Variants in NEBL observed in about 807,000 individuals in gnomAD.
NEBL encodes the protein nebulette, also known as LIM and SH3 protein 2.
A neutral mutation model predicts 140.2 loss-of-function variants in NEBL; 122 were observed. The observed-to-expected ratio is 0.87, with a 90% CI of 0.75 to 1.01. The LOEUF is 1.01. Ranked by LOEUF, NEBL falls within the 50% of genes least tolerant of loss-of-function variation. NEBL has a pLI of 0.00. For synonymous variants in NEBL, 436 were observed against 398.9 expected, an observed-to-expected ratio of 1.09 and a Z score of -1.11; for missense variants, 1,365 against 1,231.3, an observed-to-expected ratio of 1.11 and a Z score of -1.62.
At chr10:21,122,694 G>A (rs1012028355) in intron 2 of NEBL, among the ~76,000 whole-genome samples, 4 of 152,136 alleles carry the variant, frequency 2.6e-5, no homozygotes. Context: ...GTTTAGGATG[G>A]TGCAAAAATC....
At chr10:20,787,664 A>G (rs1180486585) in intron 26 of NEBL, among the ~76,000 whole-genome samples, 1 of 152,246 alleles carries the variant, frequency 6.6e-6, no homozygotes, top group African/African-American at 2.4e-5. Context: ...TCCAAAAGAA[A>G]AATAAGAATT....
upstream of NEBL, chr10:21,174,934 A>T (rs1564537026): frequency 6.6e-6 from 1 of 152,184 alleles, no homozygotes; most frequent in Non-Finnish European, 1.5e-5. Flanking sequence ...GTGTGCGTGG[A>T]TGTATACGTT....
intron 26 of NEBL, among the ~76,000 whole-genome samples, chr10:20,798,708 T>G (rs1364987736): frequency 6.6e-6 from 1 of 152,194 alleles, no homozygotes; most frequent in Admixed American, 6.5e-5. Flanking sequence ...AAACTTCTCT[T>G]TCTCCAAATC....
chr10:21,232,011 T>C (rs1005668000), intron 3 of NEBL, among the ~76,000 whole-genome samples: 20 of 152,154 alleles, frequency 1.3e-4, no homozygotes, highest in Non-Finnish European at 5.9e-5. Flanking sequence ...AAAAATGCTC[T>C]TCATGACAAT....
chr10:20,862,567 T>A (rs73607534), intron 7 of NEBL, among the ~76,000 whole-genome samples: 2,384 of 152,306 alleles, frequency 0.016, 57 homozygotes, highest in African/African-American at 0.054. Flanking sequence ...AATCTAGAGT[T>A]CATACATCTG....
intron 4 of NEBL, among the ~76,000 whole-genome samples, chr10:20,951,275 T>A (rs2131593786): frequency 6.6e-6 from 1 of 151,766 alleles, no homozygotes; most frequent in South Asian, 2.1e-4. Flanking sequence ...GACAGAAATT[T>A]AGATATCTTT....
chr10:20,798,800 C>G lies in NEBL; in HGVS notation c.2761+9710G>C, dbSNP rs142513078. ...CAGATGTTTCTCCTTCACACACATACGGAACCCTTTGACTGAATCTTGGCA... is the reference window on the plus strand; with the variant it reads ...CAGATGTTTCTCCTTCACACACATAGGGAACCCTTTGACTGAATCTTGGCA... On this transcript the variant is annotated intron_variant, in intron 26 of 27. Transcript: ENST00000377122. Among the ~76,000 whole-genome samples, 358 of 152,270 alleles carry G rather than the reference C, an allele frequency of 2.4e-3. 1 individual carries two copies. Among genetic ancestry groups the G allele is most frequent in the African/African-American group, 8.3e-3 (345 of 41,550 alleles).
intron 3 of NEBL, among the ~76,000 whole-genome samples, chr10:20,968,825 G>A (rs965635831): frequency 1.3e-5 from 2 of 152,152 alleles, no homozygotes; most frequent in Admixed American, 6.5e-5. Flanking sequence ...TCTTTAAAGG[G>A]AGATGGTGAG....
At chr10:21,239,726 T>A (rs1455816557) in intron 3 of NEBL, among the ~76,000 whole-genome samples, 1 of 152,066 alleles carries the variant, frequency 6.6e-6, no homozygotes, top group Non-Finnish European at 1.5e-5. Flanking sequence ...TGTTAAAAAA[T>A]GCAGTAAGTG....
chr10:20,793,301 G>A, intron 26 of NEBL: 2 of 923,100 alleles, frequency 2.2e-6, no homozygotes, highest in Non-Finnish European at 2.6e-6. Context: ...CTCAAGCTTT[G>A]GGAATCATTT....
intron 1 of NEBL, among the ~76,000 whole-genome samples, chr10:21,269,426 G>C (rs1842835137): frequency 6.6e-6 from 1 of 152,220 alleles, no homozygotes; most frequent in African/African-American, 2.4e-5. Flanking sequence ...GGCTTCTTGG[G>C]AAATAGTCTC....
intron 1 of NEBL, among the ~76,000 whole-genome samples, chr10:21,289,591 C>A (rs1373305272): frequency 6.6e-6 from 1 of 152,086 alleles, no homozygotes; most frequent in Non-Finnish European, 1.5e-5. Flanking sequence ...GAGATTATCA[C>A]AACCACAGTG....
intron 5 of NEBL, among the ~76,000 whole-genome samples, chr10:20,874,360 T>A (rs1344690775): frequency 6.6e-6 from 1 of 152,206 alleles, no homozygotes; most frequent in Non-Finnish European, 1.5e-5. Context: ...AAACCATGAT[T>A]AATGAAATCG....
chr10:21,047,323 C>T (rs567726015), intron 2 of NEBL, among the ~76,000 whole-genome samples: 3 of 152,300 alleles, frequency 2.0e-5, no homozygotes, highest in East Asian at 1.9e-4. Flanking sequence ...GAACAAGTCA[C>T]ATCCTTCCTG....
At chr10:21,084,938 C>T (rs2131947297) in intron 2 of NEBL, among the ~76,000 whole-genome samples, 1 of 152,258 alleles carries the variant, frequency 6.6e-6, no homozygotes, top group Admixed American at 6.5e-5. Context: ...CCCTGTTGCA[C>T]ATGAATGCTT....
chr10:21,212,635 ACAT>A (rs1841936661), intron 3 of NEBL, among the ~76,000 whole-genome samples: 2 of 152,186 alleles, frequency 1.3e-5, no homozygotes, highest in African/African-American at 4.8e-5. Flanking sequence ...ATGACCAGGG[ACAT>A]CTTCAGATTT....
At chr10:21,118,347 C>T (rs1410336720) in intron 2 of NEBL, among the ~76,000 whole-genome samples, 2 of 152,160 alleles carry the variant, frequency 1.3e-5, no homozygotes, top group African/African-American at 4.8e-5. Flanking sequence ...GCAAAATGTT[C>T]ACTCTCCAGG....
intron 16 of NEBL, among the ~76,000 whole-genome samples, chr10:20,829,448 A>C (rs1161531486): frequency 1.6e-5 from 1 of 61,178 alleles, no homozygotes; most frequent in Admixed American, 2.0e-4. Context: ...GGGTAGGGGG[A>C]GGGGGGAGGG....
chr10:20,894,813 C>T (rs1190471878), intron 2 of NEBL, among the ~76,000 whole-genome samples: 3 of 149,958 alleles, frequency 2.0e-5, no homozygotes, highest in Non-Finnish European at 4.4e-5. Flanking sequence ...CCTGTGGTCC[C>T]GGCTACTCGG....
Sources: allele counts gnomAD v4.1 joint callset (sites outside exome capture counted in the v4.1 genomes callset), GRCh38; gene constraint gnomAD v4.1.1; transcripts MANE v1.5; gene names NCBI Gene and HGNC (gene_info 2026-07-23, HGNC 2026-07-21).